KCTD15: variants seen among roughly 807,000 people sequenced by gnomAD.
The protein encoded by KCTD15 is BTB/POZ domain-containing protein KCTD15.
A neutral mutation model predicts 27.2 loss-of-function variants in KCTD15; 11 were observed. The ratio of observed to expected loss-of-function variants is 0.41; its 90% CI spans 0.25 to 0.67. KCTD15 has a LOEUF of 0.67. Among genes scored for constraint, KCTD15 ranks in the 30% least tolerant of loss-of-function variants. The pLI is 0.35. For synonymous variants in KCTD15, 163 were observed against 176.0 expected (o/e 0.93, Z 0.58); for missense variants, 350 against 409.3 (o/e 0.86, Z 1.25).
chr19:33,801,212 T>A lies in KCTD15; in HGVS notation c.112T>A (p.Ser38Thr). The A allele has an allele frequency of 6.2e-7, 1 of 1,612,756 alleles. No individual in the cohort carries two copies. Among genetic ancestry groups the A allele is most frequent in the South Asian group, 1.1e-5 (1 of 90,954 alleles). Residue 38 changes from serine (S) to threonine (T), a missense_variant, in exon 4 of 7, where the codon TCT becomes ACT. Transcript: ENST00000683859. ...GCTGTCTCTCACCCGGTCGCCTGTG[T>A]CTCCCCTGGCTGCCCAGGGCATCCC... is the stretch of plus-strand genomic sequence containing the variant. ...SRLSLTRSPVSPLAAQGIPLP... is the reference protein window; with the variant it reads ...SRLSLTRSPVTPLAAQGIPLP...
intron 5 of KCTD15, among the ~76,000 whole-genome samples, chr19:33,810,793 C>T (rs1975873046): frequency 6.6e-6 from 1 of 150,908 alleles, no homozygotes. Flanking sequence ...CCCAGGCAGG[C>T]TTGGCTGGAG....
chr19:33,807,571 A>G (rs1485269601), intron 5 of KCTD15, among the ~76,000 whole-genome samples: 2 of 152,024 alleles, frequency 1.3e-5, no homozygotes, highest in Non-Finnish European at 2.9e-5. Context: ...AAAATAGAAA[A>G]ATTAGCCAGG....
At chr19:33,808,324 C>T (rs1310974455) in intron 5 of KCTD15, among the ~76,000 whole-genome samples, 1 of 152,162 alleles carries the variant, frequency 6.6e-6, no homozygotes, top group Non-Finnish European at 1.5e-5. Context: ...TAGGACCTGC[C>T]CCACAACACT....
In KCTD15 at chr19:33,811,571, C is replaced by T; in HGVS notation, c.693+19C>T. On this transcript the variant is annotated intron_variant, in intron 6 of 6. Transcript: ENST00000683859. ...GGTACAGGTGAGGGCTGCACGCTGC[C>T]CCCTCCCCGCCGCACCCCCGGCGTC... The T allele has an allele frequency of 6.4e-7, 1 of 1,572,494 alleles. No individual in the cohort carries two copies.
In KCTD15 at chr19:33,813,152, C is replaced by G. The variant is rs769608980; in HGVS notation, c.*204C>G. Reference sequence around the variant, plus strand: ...CATGCCTGCAGAAGGACTGTTGATGCGACCCAAAGATACAGCGGTGGGATC... The same window carrying G: ...CATGCCTGCAGAAGGACTGTTGATGGGACCCAAAGATACAGCGGTGGGATC... On this transcript the variant is annotated 3_prime_UTR_variant, in exon 7 of 7. Transcript: ENST00000683859. 1 of 630,324 alleles carries G rather than the reference C, an allele frequency of 1.6e-6. No individual in the cohort carries two copies. The highest frequency in any genetic ancestry group is 2.6e-5 in the Admixed American group (1 of 38,782). The allele number at this position is 630,324 out of a possible 1,614,324, so 39.0% of individuals were successfully genotyped here. A position where few individuals can be genotyped will look rare whatever the true frequency, so the allele number is the denominator to read the frequency against.
intron 4 of KCTD15, among the ~76,000 whole-genome samples, chr19:33,803,867 G>A (rs866717455): frequency 4.6e-5 from 7 of 151,822 alleles, no homozygotes; most frequent in Non-Finnish European, 8.8e-5. Context: ...GGAAATAAAC[G>A]AGAAGACGAA....
At position 33,807,004 on chromosome 19, in the gene KCTD15, T is replaced by C. The variant is rs1599681377; in HGVS notation, c.384T>C (p.Phe128=). The C allele has an allele frequency of 2.5e-6, 4 of 1,613,932 alleles. No individual in the cohort carries two copies. Among genetic ancestry groups the C allele is most frequent in the Non-Finnish European group, 3.4e-6 (4 of 1,179,938 alleles). Residue 128 remains phenylalanine (F), a synonymous_variant, in exon 5 of 7, where the codon TTT becomes TTC. Transcript: ENST00000683859. ...RTSKLLLPDD[F]KDFSLLYEEA... is the part of the protein sequence containing the mutation. ...CCAAGCTGCTGCTTCCGGATGACTT[T>C]AAGGTAAGTCCATGGCTGGTGGCCC...
intron 5 of KCTD15, among the ~76,000 whole-genome samples, chr19:33,807,314 G>T (rs1053747107): frequency 3.9e-5 from 6 of 152,268 alleles, no homozygotes; most frequent in African/African-American, 1.4e-4. Flanking sequence ...TCGGCTGGGT[G>T]CAGTGGTTCA....
chr19:33,815,309 A>AT lies in KCTD15; in HGVS notation c.*2364dup, dbSNP rs1193223422. 6.6e-6 allele frequency: 1 copy of AT among 152,244 alleles called. No homozygotes were observed. The highest frequency in any genetic ancestry group is 6.5e-5 in the Admixed American group (1 of 15,286). The allele number at this position is 152,244 out of a possible 1,614,324, so 9.4% of individuals were successfully genotyped here. A position where few individuals can be genotyped will look rare whatever the true frequency, so the allele number is the denominator to read the frequency against. ...AGTATGATTTTACATCAACCAGAGA[A>AT]TTTCTGAATTTATAGGGAAACACTA... On this transcript the variant is annotated 3_prime_UTR_variant, in exon 7 of 7. Transcript: ENST00000683859.
chr19:33,811,217 C>A, intron 5 of KCTD15, 30 bp from the exon 6 acceptor site: 2 of 1,451,954 alleles, frequency 1.4e-6, no homozygotes, highest in South Asian at 1.4e-5. Context: ...CTCCGACACC[C>A]ACATCAACAC....
chr19:33,812,279 C>G (rs1975949627), intron 6 of KCTD15: 1 of 1,018,470 alleles, frequency 9.8e-7, no homozygotes, highest in African/African-American at 1.7e-5. Flanking sequence ...GAGAGGACTT[C>G]TCCTTTTTCT....
chr19:33,802,157 C>T (rs997503986), intron 4 of KCTD15, among the ~76,000 whole-genome samples: 2 of 152,160 alleles, frequency 1.3e-5, no homozygotes, highest in Non-Finnish European at 2.9e-5. Flanking sequence ...CAGGGCTGAC[C>T]CGAGTAGGGT....
intron 1 of KCTD15, chr19:33,797,350 T>C (rs1975368988): frequency 2.2e-6 from 1 of 451,144 alleles, no homozygotes; most frequent in Non-Finnish European, 4.5e-6. Context: ...CCGAGCGCCC[T>C]GCAGAGCTGG....
Position 33,812,966 on chromosome 19 carries a change from A to T in KCTD15, c.*18A>T. ...TGGACTAGGCCCTGCTTCAGTGCCC[A>T]CCTGGGCCCCCCCAGGGACCTGGAA... On this transcript the variant is annotated 3_prime_UTR_variant, in exon 7 of 7. Transcript: ENST00000683859. 1 of 1,532,088 alleles carries T rather than the reference A, an allele frequency of 6.5e-7. No homozygotes were observed. 94.9% of individuals were successfully genotyped at this position (1,532,088 alleles called of 1,614,324 possible). A position where few individuals can be genotyped will look rare whatever the true frequency, so the allele number is the denominator to read the frequency against.
At chr19:33,809,438 G>A (rs1030892303) in intron 5 of KCTD15, among the ~76,000 whole-genome samples, 35 of 152,336 alleles carry the variant, frequency 2.3e-4, no homozygotes, top group African/African-American at 7.9e-4. Flanking sequence ...TTCTGAGTTG[G>A]TAAGTTGAGG....
intron 4 of KCTD15, among the ~76,000 whole-genome samples, chr19:33,802,140 A>G (rs1477829519): frequency 6.6e-6 from 1 of 152,218 alleles, no homozygotes; most frequent in East Asian, 1.9e-4. Flanking sequence ...CCCCGTTGGC[A>G]CGGCAGCAGG....
intron 5 of KCTD15, 56 bp from the exon 6 acceptor site, chr19:33,811,191 T>TCCCC: frequency 1.6e-6 from 1 of 615,002 alleles, no homozygotes; most frequent in Non-Finnish European, 2.5e-6. Flanking sequence ...CTCTCCCCCT[T>TCCCC]CCCCCACCAC....
chr19:33,805,415 T>C (rs1404334554), intron 4 of KCTD15, among the ~76,000 whole-genome samples: 2 of 152,174 alleles, frequency 1.3e-5, no homozygotes, highest in African/African-American at 2.4e-5. Flanking sequence ...AGCTAGTGTG[T>C]CCTGGGTGCA....
intron 5 of KCTD15, among the ~76,000 whole-genome samples, chr19:33,808,091 G>C (rs774520971): frequency 5.9e-5 from 9 of 152,258 alleles, no homozygotes; most frequent in Non-Finnish European, 1.3e-4. Flanking sequence ...CCTGGGTCAT[G>C]CCTCAGTGCT....
Sources: gnomAD v4.1 joint callset for allele counts (sites outside exome capture counted in the v4.1 genomes callset) on GRCh38, gnomAD v4.1.1 for gene constraint, MANE v1.5 for transcripts, NCBI Gene and HGNC (gene_info 2026-07-23, HGNC 2026-07-21) for gene names.